SPIDR: variants seen among roughly 807,000 people sequenced by gnomAD.
SPIDR encodes the protein scaffold protein involved in DNA repair.
SPIDR carries 93 observed loss-of-function variants against 104.6 expected under a neutral mutation model. That is an observed-to-expected ratio of 0.89 (90% CI 0.75 to 1.06). The LOEUF (loss-of-function observed/expected upper bound fraction) is 1.06. Ranked by LOEUF, SPIDR falls within the 50% of genes least tolerant of loss-of-function variation. SPIDR has a pLI of 0.00. For missense variants in SPIDR, 1,154 were observed against 1,111.2 expected, an observed-to-expected ratio of 1.04 and a Z score of -0.55; for synonymous variants, 431 against 416.9, an observed-to-expected ratio of 1.03 and a Z score of -0.41.
At chr8:47,272,503 A>T (rs1288507986) in intron 1 of SPIDR, among the ~76,000 whole-genome samples, 2 of 152,104 alleles carry the variant, frequency 1.3e-5, no homozygotes, top group Non-Finnish European at 2.9e-5. Flanking sequence ...TTGGATAGAG[A>T]TTACCCTAAA....
At chr8:47,734,066 T>C (rs1232950094) in intron 19 of SPIDR, among the ~76,000 whole-genome samples, 1 of 152,122 alleles carries the variant, frequency 6.6e-6, no homozygotes, top group Non-Finnish European at 1.5e-5. Flanking sequence ...TCTCAAAACT[T>C]GGTGGCATCA....
chr8:47,626,588 A>G (rs993921350), intron 10 of SPIDR, among the ~76,000 whole-genome samples: 1 of 152,248 alleles, frequency 6.6e-6, no homozygotes, highest in Non-Finnish European at 1.5e-5. Flanking sequence ...GGATATGAAC[A>G]GACACTCTCA....
chr8:47,376,949 C>A (rs1267636848), intron 5 of SPIDR, among the ~76,000 whole-genome samples: 1 of 152,170 alleles, frequency 6.6e-6, no homozygotes, highest in African/African-American at 2.4e-5. Flanking sequence ...ACCACACTCA[C>A]TAGTTCATGT....
At chr8:47,540,769 C>A (rs1414780075) in intron 8 of SPIDR, among the ~76,000 whole-genome samples, 1 of 152,050 alleles carries the variant, frequency 6.6e-6, no homozygotes, top group Admixed American at 6.6e-5. Flanking sequence ...AACTTTGTGA[C>A]TGGGACATAG....
At chr8:47,536,277 G>C (rs1198855757) in intron 8 of SPIDR, among the ~76,000 whole-genome samples, 2 of 151,976 alleles carry the variant, frequency 1.3e-5, no homozygotes, top group Non-Finnish European at 2.9e-5. Context: ...TTATTTCATG[G>C]TTATCAACAA....
At chr8:47,403,794 T>C (rs782176709) in intron 6 of SPIDR, among the ~76,000 whole-genome samples, 4 of 152,164 alleles carry the variant, frequency 2.6e-5, no homozygotes, top group Non-Finnish European at 5.9e-5. Context: ...AATTTATAGA[T>C]TCAATGCCAT....
chr8:47,424,613 C>T (rs770139649), intron 7 of SPIDR, among the ~76,000 whole-genome samples: 10 of 152,192 alleles, frequency 6.6e-5, no homozygotes, highest in East Asian at 1.9e-4. Context: ...CCACCATACC[C>T]GGACCCTTAG....
intron 10 of SPIDR, among the ~76,000 whole-genome samples, chr8:47,672,685 T>C (rs1157539714): frequency 1.3e-5 from 2 of 152,358 alleles, no homozygotes; most frequent in South Asian, 2.1e-4. Flanking sequence ...AGTTATTCTA[T>C]ATTTTCTATT....
chr8:47,336,191 G>GT (rs2049707367), intron 5 of SPIDR, among the ~76,000 whole-genome samples: 5 of 152,082 alleles, frequency 3.3e-5, no homozygotes, highest in Admixed American at 3.3e-4. Context: ...TTGTATAGAT[G>GT]TAGCACATTT....
intron 10 of SPIDR, among the ~76,000 whole-genome samples, chr8:47,654,687 A>G (rs914724356): frequency 1.3e-5 from 2 of 152,212 alleles, no homozygotes; most frequent in Non-Finnish European, 2.9e-5. Context: ...CTACACTCAT[A>G]TAAGACATTA....
At chr8:47,711,649 TACAC>T (rs901516953) in intron 14 of SPIDR, among the ~76,000 whole-genome samples, 6 of 152,184 alleles carry the variant, frequency 3.9e-5, no homozygotes, top group Non-Finnish European at 5.9e-5. Context: ...TTCATCCACA[TACAC>T]ACACAACTAT....
At chr8:47,275,016 T>G (rs916356696) in intron 1 of SPIDR, among the ~76,000 whole-genome samples, 2 of 151,564 alleles carry the variant, frequency 1.3e-5, no homozygotes, top group East Asian at 3.9e-4. Flanking sequence ...TCCCAGCACT[T>G]TGGGAGGCCG....
Position 47,700,053 on chromosome 8 carries a change from C to G in SPIDR, c.1686-350C>G, listed in dbSNP as rs186555918. Among the ~76,000 whole-genome samples, 360 of 152,242 alleles carry G rather than the reference C, an allele frequency of 2.4e-3. 3 individuals carry two copies. Among genetic ancestry groups the G allele is most frequent in the South Asian group, 1.0e-3 (5 of 4,818 alleles). On this transcript the variant is annotated intron_variant, in intron 11 of 19. Transcript: ENST00000297423. ...AGATACACATACATACACACACACACAGAGAGTGAGAGAGAGTTAATTTGT... is the reference window on the plus strand; with the variant it reads ...AGATACACATACATACACACACACAGAGAGAGTGAGAGAGAGTTAATTTGT...
chr8:47,441,136 T>G (rs1370981529), intron 8 of SPIDR, among the ~76,000 whole-genome samples: 2 of 152,210 alleles, frequency 1.3e-5, no homozygotes, highest in East Asian at 3.9e-4. Flanking sequence ...TCGTAATTTT[T>G]TATAAGTTTT....
intron 8 of SPIDR, among the ~76,000 whole-genome samples, chr8:47,512,764 A>G (rs1169451497): frequency 6.6e-6 from 1 of 152,200 alleles, no homozygotes; most frequent in African/African-American, 2.4e-5. Context: ...TTTATAATCA[A>G]AGTATTGCGG....
intron 5 of SPIDR, among the ~76,000 whole-genome samples, chr8:47,352,816 T>G (rs1587547820): frequency 1.3e-5 from 2 of 152,052 alleles, no homozygotes; most frequent in East Asian, 1.9e-4. Context: ...GTAATCTCAA[T>G]GCTTTGGTAG....
At chr8:47,676,842 G>A (rs911182595) in intron 11 of SPIDR, among the ~76,000 whole-genome samples, 1 of 152,214 alleles carries the variant, frequency 6.6e-6, no homozygotes, top group African/African-American at 2.4e-5. Context: ...GAGCCACCAG[G>A]CAGGCACACA....
At chr8:47,573,100 C>T (rs1180516683) in intron 8 of SPIDR, among the ~76,000 whole-genome samples, 3 of 152,102 alleles carry the variant, frequency 2.0e-5, no homozygotes, top group Non-Finnish European at 4.4e-5. Flanking sequence ...TATAAAATGA[C>T]TTGAAGTTCT....
intron 10 of SPIDR, chr8:47,667,871 T>A (rs915204709): frequency 2.0e-5 from 3 of 152,170 alleles, no homozygotes; most frequent in Non-Finnish European, 4.4e-5. Flanking sequence ...AAGCATTACA[T>A]ATTTTTTAGT....
Sources: allele counts gnomAD v4.1 joint callset (sites outside exome capture counted in the v4.1 genomes callset), GRCh38; gene constraint gnomAD v4.1.1; transcripts MANE v1.5; gene names NCBI Gene and HGNC (gene_info 2026-07-23, HGNC 2026-07-21).